The following DCAF1 variants were observed in gnomAD, a reference collection of about 807,000 sequenced individuals.
The protein encoded by DCAF1 is DDB1 and CUL4 associated factor 1, also known as DDB1- and CUL4-associated factor 1.
Under a neutral mutation model 128.0 loss-of-function variants are expected in DCAF1, and 15 were observed. The observed-to-expected ratio is 0.12, with a 90% confidence interval of 0.08 to 0.18. DCAF1 has a LOEUF of 0.18. Among genes scored for constraint, DCAF1 ranks in the 10% least tolerant of loss-of-function variants. The probability of loss-of-function intolerance (pLI) is 1.00; values close to 1 mark genes in which losing one functional copy is unlikely to be tolerated. For synonymous variants in DCAF1, 610 were observed against 603.0 expected (o/e 1.01, Z -0.17); for missense variants, 988 against 1,649.5 (o/e 0.60, Z 6.95).
intron 2 of DCAF1, among the ~76,000 whole-genome samples, chr3:51,491,914 G>A (rs1371074967): frequency 1.3e-5 from 2 of 151,892 alleles, no homozygotes; most frequent in Non-Finnish European, 2.9e-5. Context: ...TCCCAGCACT[G>A]TGGGAGGCCG....
At chr3:51,435,878 CA>C (rs1332719892) in intron 9 of DCAF1, among the ~76,000 whole-genome samples, 1 of 151,978 alleles carries the variant, frequency 6.6e-6, no homozygotes, top group Non-Finnish European at 1.5e-5. Context: ...AGAACAAAGA[CA>C]AAAATAAAGT....
chr3:51,462,656 G>A (rs782251155), intron 6 of DCAF1, among the ~76,000 whole-genome samples: 9 of 144,296 alleles, frequency 6.2e-5, no homozygotes, highest in Non-Finnish European at 1.2e-4. Flanking sequence ...TGAGGCAGGA[G>A]AATCACTTAA....
chr3:51,469,165 T>C (rs1287479626), intron 4 of DCAF1, among the ~76,000 whole-genome samples: 1 of 151,790 alleles, frequency 6.6e-6, no homozygotes, highest in Non-Finnish European at 1.5e-5. Flanking sequence ...CAGGTGAATA[T>C]ACAATGTCCT....
chr3:51,462,743 C>T (rs1703740327), intron 6 of DCAF1, among the ~76,000 whole-genome samples: 1 of 96,702 alleles, frequency 1.0e-5, no homozygotes, highest in African/African-American at 4.7e-5. Flanking sequence ...AAGACACCAT[C>T]TCAAAAAAAA....
chr3:51,414,929 G>T, intron 18 of DCAF1, 72 bp from the exon 19 acceptor site: 1 of 1,522,500 alleles, frequency 6.6e-7, no homozygotes, highest in Non-Finnish European at 8.8e-7. Context: ...GAGAAAATGT[G>T]CAAAGCAGTT....
chr3:51,484,300 C>T (rs1330886514), intron 2 of DCAF1, among the ~76,000 whole-genome samples: 5 of 151,948 alleles, frequency 3.3e-5, no homozygotes, highest in African/African-American at 1.2e-4. Context: ...TGATGAAACC[C>T]TGTCTCTACT....
chr3:51,447,412 AAAAT>A (rs1161395614), intron 6 of DCAF1, among the ~76,000 whole-genome samples: 5 of 152,008 alleles, frequency 3.3e-5, no homozygotes, highest in Admixed American at 1.3e-4. Context: ...TGTCTCTCAA[AAAAT>A]AAATAAATAA....
At chr3:51,421,503 C>T (rs1055733855) in intron 14 of DCAF1, among the ~76,000 whole-genome samples, 4 of 152,142 alleles carry the variant, frequency 2.6e-5, no homozygotes, top group Non-Finnish European at 5.9e-5. Flanking sequence ...GTGATCCACC[C>T]GCCTCGGCCT....
intron 23 of DCAF1, among the ~76,000 whole-genome samples, chr3:51,410,221 C>G (rs1166004433): frequency 6.6e-6 from 1 of 152,232 alleles, no homozygotes; most frequent in Non-Finnish European, 1.5e-5. Context: ...CACCAGCTGC[C>G]CACCACACAA....
Position 51,420,853 on chromosome 3 carries a change from G to A in DCAF1, c.2117C>T (p.Thr706Ile), listed in dbSNP as rs1699326754. Reference sequence around the variant, plus strand: ...GTTCTGAGGCAGCTTTCTCCGAGGAGTACCAGAGATAAATTTACCAATACT... The same window carrying A: ...GTTCTGAGGCAGCTTTCTCCGAGGAATACCAGAGATAAATTTACCAATACT... Reference protein sequence around the residue: ...ISSIGKFISGTPRRKLPQNPK... With the variant: ...ISSIGKFISGIPRRKLPQNPK... The change falls in exon 15 of 25, where the codon ACT (threonine) becomes ATT (isoleucine). Residue 706 changes from threonine (T) to isoleucine (I), a missense_variant. Physicochemically the swap from Thr to Ile is moderately conservative, Grantham distance 89 (BLOSUM62 -1). Around this residue, in one of 11 missense-constraint regions of DCAF1, gnomAD observed 185 missense variants for 248.1 expected, o/e 0.75. Transcript: ENST00000684031. This position sits in a 1 kb window ranked among gnomAD's most constrained non-coding sequence, Gnocchi z 6.5. 1.2e-6 allele frequency: 2 copies of A among 1,613,914 alleles called. No homozygotes were observed. The highest frequency in any genetic ancestry group is 2.2e-5 in the East Asian group (1 of 44,890).
intron 9 of DCAF1, 112 bp downstream of exon 9, chr3:51,440,858 A>T: frequency 1.2e-6 from 1 of 828,832 alleles, no homozygotes; most frequent in Non-Finnish European, 1.9e-6. Context: ...GTGAGCCAAG[A>T]TCGCACCACT....
chr3:51,481,757 G>A (rs552282907), intron 3 of DCAF1, among the ~76,000 whole-genome samples: 8 of 152,096 alleles, frequency 5.3e-5, no homozygotes, highest in South Asian at 2.1e-4. Context: ...TTGAGAGGCC[G>A]AGGCAGTCAG....
intron 9 of DCAF1, chr3:51,440,258 T>C: frequency 2.4e-6 from 1 of 424,804 alleles, no homozygotes; most frequent in Non-Finnish European, 4.6e-6. Flanking sequence ...AGAAATAACT[T>C]GAGCAATAAA....
chr3:51,466,527 C>G (rs1553646562), intron 5 of DCAF1, among the ~76,000 whole-genome samples: 1 of 152,198 alleles, frequency 6.6e-6, no homozygotes, highest in Non-Finnish European at 1.5e-5. Flanking sequence ...GTATGCATCA[C>G]TCTTATTTTT....
At chr3:51,474,732 T>C (rs1389945145) in intron 3 of DCAF1, among the ~76,000 whole-genome samples, 1 of 151,230 alleles carries the variant, frequency 6.6e-6, no homozygotes, top group African/African-American at 2.4e-5. Context: ...ACAATCCTCC[T>C]GCGTCAGCTT....
At chr3:51,500,812 C>CTTT (rs3051029), upstream of DCAF1, among the ~76,000 whole-genome samples, 21 of 128,670 alleles carry the variant, frequency 1.6e-4, no homozygotes, top group East Asian at 1.7e-3. Context: ...TTTTCTCTGT[C>CTTT]TTTTTTTTTT....
rs1470247752 is a variant in DCAF1, at chr3:51,398,177, G to A, written c.*592C>T. ...GACAGCATATGAGGCAACAAAACAG[G>A]TTAAAAAATCATATATTATATTTAT... On this transcript the variant is annotated 3_prime_UTR_variant, in exon 25 of 25. Coordinates refer to ENST00000684031, the MANE Select transcript of DCAF1 (RefSeq NM_001387579.1). 4 of 151,662 alleles carry A rather than the reference G, an allele frequency of 2.6e-5. No homozygotes were observed. The highest frequency in any genetic ancestry group is 9.7e-5 in the African/African-American group (4 of 41,294). The allele number at this position is 151,662 out of a possible 1,614,324, so 9.4% of individuals were successfully genotyped here. A position where few individuals can be genotyped will look rare whatever the true frequency, so the allele number is the denominator to read the frequency against.
rs782739456 is a variant in DCAF1, at chr3:51,443,853, T to C, written c.426A>G (p.Pro142=). 23 of 1,611,648 alleles carry C rather than the reference T, an allele frequency of 1.4e-5. No individual in the cohort carries two copies. The Admixed American group carries it at 3.2e-4, about 22-fold the overall frequency. The change falls in exon 7 of 25, where the codon CCA becomes CCG. Residue 142 remains proline (P), a synonymous_variant. Transcript: ENST00000684031. ...LFKWAREADQ[P]LRTYSTGLLG... ...ACAGTCCAGTAGAATATGTCCTCAA[T>C]GGTTGATCGGCCTCTCGGGCCCATT...
At chr3:51,402,939 T>C (rs1336556733) in intron 24 of DCAF1, among the ~76,000 whole-genome samples, 1 of 152,124 alleles carries the variant, frequency 6.6e-6, no homozygotes, top group African/African-American at 2.4e-5. Context: ...AGATAAGAAA[T>C]GACAGCCATT....
Sources: gnomAD v4.1 joint callset for allele counts (sites outside exome capture counted in the v4.1 genomes callset) on GRCh38, gnomAD v4.1.1 for gene constraint, gnomAD v4.1.1 regional missense constraint, Gnocchi (gnomAD v3.1) non-coding constraint, MANE v1.5 for transcripts, NCBI Gene and HGNC (gene_info 2026-07-23, HGNC 2026-07-21) for gene names.